Variants in ANK1 observed in about 807,000 individuals in gnomAD.
ANK1 encodes the protein ankyrin 1, also known as ankyrin-1.
ANK1 carries 51 observed loss-of-function variants against 210.4 expected under a neutral mutation model. That is an observed-to-expected ratio of 0.24 (90% confidence interval 0.19 to 0.31). The LOEUF is 0.31. Ranked by LOEUF, ANK1 falls within the 10% of genes least tolerant of loss-of-function variation. The probability of loss-of-function intolerance (pLI) is 1.00; values close to 1 mark genes in which losing one functional copy is unlikely to be tolerated. For synonymous variants in ANK1, 967 were observed against 1,025.9 expected, an observed-to-expected ratio of 0.94 and a Z score of 1.10; for missense variants, 2,051 against 2,504.4, an observed-to-expected ratio of 0.82 and a Z score of 3.86.
At chr8:41,879,703 A>G (rs569864511) in intron 1 of ANK1, among the ~76,000 whole-genome samples, 2 of 152,300 alleles carry the variant, frequency 1.3e-5, no homozygotes, top group South Asian at 4.1e-4. Context: ...GCGAGTGAGA[A>G]GGACCAACAA....
intron 1 of ANK1, among the ~76,000 whole-genome samples, chr8:41,818,592 T>TTTC (rs968980453): frequency 3.3e-5 from 5 of 152,028 alleles, no homozygotes; most frequent in African/African-American, 1.2e-4. Context: ...TCTTTCTTTC[T>TTTC]TTCTTTCCTT....
chr8:41,763,889 C>CCTTTTTTTTTTTT (rs1841105045), intron 1 of ANK1, among the ~76,000 whole-genome samples: 1 of 57,808 alleles, frequency 1.7e-5, no homozygotes, highest in Non-Finnish European at 3.0e-5. Context: ...TTCTTTTTTT[C>CCTTTTTTTTTTTT]TTTTTTTTTT....
chr8:41,699,636 T>C, intron 22 of ANK1, 88 bp from the exon 23 acceptor site: 1 of 1,264,170 alleles, frequency 7.9e-7, no homozygotes, highest in Non-Finnish European at 1.1e-6. Context: ...GCTCCGCCTC[T>C]GGGGGCTTGC....
chr8:41,811,638 T>C (rs1164154109), intron 1 of ANK1, among the ~76,000 whole-genome samples: 1 of 152,206 alleles, frequency 6.6e-6, no homozygotes, highest in African/African-American at 2.4e-5. Flanking sequence ...CACCAGTCTT[T>C]GTGCTGCAGA....
Position 41,693,182 on chromosome 8 carries a change from C to T in ANK1, c.3552G>A (p.Gln1184=), listed in dbSNP as rs1279867388. 15 of 1,612,778 alleles carry T rather than the reference C, an allele frequency of 9.3e-6. No individual in the cohort carries two copies. The highest frequency in any genetic ancestry group is 2.7e-5 in the African/African-American group (2 of 74,896). Residue 1184 remains glutamine, a synonymous_variant, in exon 30 of 43, where the codon CAG becomes CAA. Coordinates refer to ENST00000289734, the MANE Select transcript of ANK1 (RefSeq NM_000037.4). Reference sequence around the variant, plus strand: ...TGGTGGTTCCTGTTATGTCTTCCCACTGGGCTTGGTCTGTTCCTCCTGTAA... The same window carrying T: ...TGGTGGTTCCTGTTATGTCTTCCCATTGGGCTTGGTCTGTTCCTCCTGTAA... ...CSVIGGTDQA[Q]WEDITGTTKL...
rs1820412874 is a variant in ANK1, at chr8:41,694,949, CAGA to C, written c.3116-149_3116-147del. The C allele has an allele frequency of 3.7e-6, 4 of 1,077,822 alleles. No individual in the cohort carries two copies. Among genetic ancestry groups the C allele is most frequent in the Non-Finnish European group, 5.6e-6 (4 of 718,362 alleles). 66.8% of individuals were successfully genotyped at this position (1,077,822 alleles called of 1,614,324 possible). On this transcript the variant is annotated intron_variant, in intron 27 of 42. Coordinates refer to ENST00000289734, the MANE Select transcript of ANK1 (RefSeq NM_000037.4). This position sits in a 1 kb window ranked among gnomAD's most constrained non-coding sequence, Gnocchi z 5.7. ...CGGCATAGTGGCCAGAAGAAGTGGC[CAGA>C]AGAAGTGCCCAGGCCCAGAGGCCCA...
intron 2 of ANK1, among the ~76,000 whole-genome samples, chr8:41,737,280 CAGAG>C (rs1017713205): frequency 1.3e-5 from 2 of 152,152 alleles, no homozygotes; most frequent in Non-Finnish European, 2.9e-5. Context: ...GCCTGGGTGA[CAGAG>C]AGAGACTCTG....
intron 1 of ANK1, among the ~76,000 whole-genome samples, chr8:41,773,040 C>T (rs1040641797): frequency 6.6e-6 from 1 of 152,038 alleles, no homozygotes; most frequent in Non-Finnish European, 1.5e-5. Context: ...TGAATTCAAT[C>T]AGAAATCCAG....
At chr8:41,780,884 AG>A (rs896864701) in intron 1 of ANK1, among the ~76,000 whole-genome samples, 3 of 131,024 alleles carry the variant, frequency 2.3e-5, no homozygotes, top group East Asian at 2.3e-4. Context: ...AGTGGGTCCC[AG>A]GGGGTTAGTT....
At chr8:41,671,917 A>G (rs1373558155) in intron 38 of ANK1, among the ~76,000 whole-genome samples, 1 of 140,130 alleles carries the variant, frequency 7.1e-6, no homozygotes, top group Non-Finnish European at 1.5e-5. Flanking sequence ...GTCCTAAGTG[A>G]GCCCTCCCAG....
chr8:41,772,244 C>G (rs549944266), intron 1 of ANK1, among the ~76,000 whole-genome samples: 1 of 152,350 alleles, frequency 6.6e-6, no homozygotes, highest in East Asian at 1.9e-4. Context: ...ATCAGTAGGT[C>G]TCCCACAATT....
intron 3 of ANK1, 115 bp downstream of exon 3, chr8:41,733,856 G>T: frequency 1.2e-6 from 1 of 869,452 alleles, no homozygotes; most frequent in Non-Finnish European, 1.9e-6. Context: ...TGATTGGAAG[G>T]ATAAGAGAAA....
intron 2 of ANK1, among the ~76,000 whole-genome samples, chr8:41,740,457 A>G (rs1452691193): frequency 1.1e-5 from 1 of 87,454 alleles, no homozygotes; most frequent in African/African-American, 3.0e-5. Context: ...ACCACGCCCA[A>G]TTGCCTGCTT....
intron 35 of ANK1, among the ~76,000 whole-genome samples, chr8:41,687,240 C>A (rs1243412952): frequency 6.6e-6 from 1 of 152,216 alleles, no homozygotes; most frequent in African/African-American, 2.4e-5. Flanking sequence ...GAGCACCGGG[C>A]TCTGGACAGA....
intron 10 of ANK1, among the ~76,000 whole-genome samples, chr8:41,719,154 G>C (rs1300904585): frequency 6.6e-6 from 1 of 152,196 alleles, no homozygotes; most frequent in Non-Finnish European, 1.5e-5. Context: ...CCTGTCCTGG[G>C]AAGGAGGCAG....
chr8:41,694,239 G>C lies in ANK1; in HGVS notation c.3328-137C>G. On this transcript the variant is annotated intron_variant, in intron 28 of 42. Transcript: ENST00000289734. The surrounding 1 kb of genome is among the most constrained non-coding windows in gnomAD (Gnocchi z 5.7). ...TGCTGTTGGACCACAGAACCGACACGGTGGAGCTTGCCTTCCTGAGCCCTT... is the reference window on the plus strand; with the variant it reads ...TGCTGTTGGACCACAGAACCGACACCGTGGAGCTTGCCTTCCTGAGCCCTT... The C allele has an allele frequency of 2.1e-6, 2 of 941,020 alleles. No homozygotes were observed. Among genetic ancestry groups the C allele is most frequent in the Non-Finnish European group, 3.2e-6 (2 of 632,704 alleles). The allele number at this position is 941,020 out of a possible 1,614,324, so 58.3% of individuals were successfully genotyped here. A position where few individuals can be genotyped will look rare whatever the true frequency, so the allele number is the denominator to read the frequency against.
chr8:41,693,651 T>C (rs1261221003), intron 29 of ANK1, among the ~76,000 whole-genome samples: 1 of 152,040 alleles, frequency 6.6e-6, no homozygotes, highest in Non-Finnish European at 1.5e-5. Context: ...TCTCGAACTC[T>C]TGACCTCAGG....
rs1298245479 is a variant in ANK1, at chr8:41,723,653, C to A, written c.712-20G>T. The A allele has an allele frequency of 4.4e-6, 7 of 1,608,226 alleles. No individual in the cohort carries two copies. The highest frequency in any genetic ancestry group is 2.7e-5 in the African/African-American group (2 of 74,906). On this transcript the variant is annotated intron_variant, in intron 7 of 42. Coordinates refer to ENST00000289734, the MANE Select transcript of ANK1 (RefSeq NM_000037.4). Reference sequence around the variant, plus strand: ...GCCGTTCTGAAGGGAGGAAGCAGGACGGTCAGGGCGCGTCATCCTTCCCTG... The same window carrying A: ...GCCGTTCTGAAGGGAGGAAGCAGGAAGGTCAGGGCGCGTCATCCTTCCCTG...
intron 1 of ANK1, among the ~76,000 whole-genome samples, chr8:41,835,590 G>GT (rs1807523093): frequency 6.6e-6 from 1 of 152,242 alleles, no homozygotes; most frequent in Non-Finnish European, 1.5e-5. Flanking sequence ...GGGGGCGAGG[G>GT]GAGGAGCGGG....
Sources: gnomAD v4.1 joint callset for allele counts (sites outside exome capture counted in the v4.1 genomes callset) on GRCh38, gnomAD v4.1.1 for gene constraint, Gnocchi (gnomAD v3.1) non-coding constraint, MANE v1.5 for transcripts, NCBI Gene and HGNC (gene_info 2026-07-23, HGNC 2026-07-21) for gene names.